Variants in FAM120C observed in about 807,000 individuals in gnomAD.
FAM120C encodes constitutive coactivator of PPAR-gamma-like protein 2.
A neutral mutation model predicts 71.2 loss-of-function variants in FAM120C; 14 were observed. The observed-to-expected ratio is 0.20, with a 90% CI of 0.13 to 0.31. The LOEUF (loss-of-function observed/expected upper bound fraction) is 0.31. Ranked by LOEUF, FAM120C falls within the 10% of genes least tolerant of loss-of-function variation. The probability of loss-of-function intolerance (pLI) is 1.00; values close to 1 mark genes in which losing one functional copy is unlikely to be tolerated. For synonymous variants in FAM120C, 354 were observed against 353.2 expected, an observed-to-expected ratio of 1.00 and a Z score of -0.03; for missense variants, 500 against 879.0, an observed-to-expected ratio of 0.57 and a Z score of 5.45.
chrX:54,137,618 T>C (rs1201674999), intron 4 of FAM120C, among the ~76,000 whole-genome samples: 1 of 111,883 alleles, frequency 8.9e-6, no homozygotes, highest in African/African-American at 3.2e-5. Flanking sequence ...AGAGTATATA[T>C]TGTCTATATA....
At chrX:54,170,630 A>G (rs1557135811) in intron 1 of FAM120C, among the ~76,000 whole-genome samples, 1 of 112,305 alleles carries the variant, frequency 8.9e-6, no homozygotes, top group Non-Finnish European at 1.9e-5. Flanking sequence ...TTTGGCATCC[A>G]GTGAACCTAT....
chrX:54,091,596 G>C (rs1296965621), intron 10 of FAM120C, among the ~76,000 whole-genome samples, 170 bp from the exon 11 acceptor site: 3 of 112,259 alleles, frequency 2.7e-5, no homozygotes, highest in African/African-American at 9.7e-5. Context: ...CTGGGTGGTA[G>C]AGGAAAAGAA....
intron 10 of FAM120C, among the ~76,000 whole-genome samples, chrX:54,103,230 A>AT (rs1263554356): frequency 9.0e-6 from 1 of 110,949 alleles, no homozygotes; most frequent in Non-Finnish European, 1.9e-5. Flanking sequence ...ATCTTTTATG[A>AT]TTTTTTTAAC....
At chrX:54,098,392 T>C (rs1283828938) in intron 10 of FAM120C, among the ~76,000 whole-genome samples, 4 of 111,366 alleles carry the variant, frequency 3.6e-5, no homozygotes, top group Admixed American at 1.9e-4. Context: ...TGTGTGGACA[T>C]GTGTCTTCAT....
chrX:54,069,839 T>G lies in FAM120C; in HGVS notation c.*3194A>C, dbSNP rs2066702392. ...AGACCAGACTGGACTGGTCACTGAC[T>G]AAGTAAGAGTAGGAGTTATAAGCTG... On this transcript the variant is annotated 3_prime_UTR_variant, in exon 16 of 16. Transcript: ENST00000375180. 9.0e-6 allele frequency: 1 copy of G among 111,693 alleles called. No homozygotes were observed. The highest frequency in any genetic ancestry group is 1.9e-5 in the Non-Finnish European group (1 of 53,130). 9.2% of individuals were successfully genotyped at this position (111,693 alleles called of 1,213,427 possible). A position where few individuals can be genotyped will look rare whatever the true frequency, so the allele number is the denominator to read the frequency against.
At position 54,142,180 on chromosome X, in the gene FAM120C, C is replaced by T. The variant is rs782099895; in HGVS notation, c.1159-5590G>A. Reference sequence around the variant, plus strand: ...CTCCCAGCGTGAGCGACACAAAAGACGGGTGATTTTTGCATTTCCAACTGA... The same window carrying T: ...CTCCCAGCGTGAGCGACACAAAAGATGGGTGATTTTTGCATTTCCAACTGA... On this transcript the variant is annotated intron_variant, in intron 4 of 15. Transcript: ENST00000375180. Among the ~76,000 whole-genome samples the T allele has an allele frequency of 4.5e-5, 5 of 111,956 alleles. No homozygotes were observed. The South Asian group carries it at 1.1e-3, about 25-fold the overall frequency.
chrX:54,144,409 G>C (rs2067143602), intron 4 of FAM120C, among the ~76,000 whole-genome samples: 1 of 112,015 alleles, frequency 8.9e-6, no homozygotes, highest in Non-Finnish European at 1.9e-5. Flanking sequence ...TGTATATTTA[G>C]AAAACCCCAT....
chrX:54,136,243 G>A (rs1208341987), intron 5 of FAM120C, among the ~76,000 whole-genome samples: 2 of 111,221 alleles, frequency 1.8e-5, no homozygotes, highest in Non-Finnish European at 1.9e-5. Flanking sequence ...CAGATGATCC[G>A]CCCGCCTCAG....
At chrX:54,174,389 A>G (rs1195081853) in intron 1 of FAM120C, among the ~76,000 whole-genome samples, 4 of 111,474 alleles carry the variant, frequency 3.6e-5, no homozygotes, top group Non-Finnish European at 5.6e-5. Context: ...GAAGATGTCT[A>G]CCATGAATGA....
intron 10 of FAM120C, among the ~76,000 whole-genome samples, chrX:54,106,497 T>C (rs1303408881): frequency 8.9e-6 from 1 of 111,775 alleles, no homozygotes; most frequent in Non-Finnish European, 1.9e-5. Flanking sequence ...GACACAGGCA[T>C]GGGCAAGACT....
chrX:54,158,819 T>C (rs1219023662), intron 2 of FAM120C, among the ~76,000 whole-genome samples: 1 of 111,246 alleles, frequency 9.0e-6, no homozygotes, highest in Non-Finnish European at 1.9e-5. Context: ...GGTAAAGGAA[T>C]GGATAGATAT....
At chrX:54,076,757 A>T (rs1557120730) in intron 15 of FAM120C, among the ~76,000 whole-genome samples, 1 of 112,005 alleles carries the variant, frequency 8.9e-6, no homozygotes, top group African/African-American at 3.2e-5. Flanking sequence ...TATATAAAGC[A>T]CTTAGAACAT....
chrX:54,079,306 G>A (rs2066752886), intron 15 of FAM120C, among the ~76,000 whole-genome samples: 1 of 109,483 alleles, frequency 9.1e-6, no homozygotes, highest in Non-Finnish European at 1.9e-5. Flanking sequence ...AGGGTGTGGT[G>A]GCACACACCT....
chrX:54,111,174 T>C (rs2066935395), intron 10 of FAM120C, among the ~76,000 whole-genome samples: 1 of 110,840 alleles, frequency 9.0e-6, no homozygotes, highest in African/African-American at 3.3e-5. Context: ...TGAGCTGTGA[T>C]TGTGCCACTG....
intron 10 of FAM120C, among the ~76,000 whole-genome samples, chrX:54,100,508 C>T (rs1236077618): frequency 1.9e-5 from 2 of 108,030 alleles, no homozygotes; most frequent in East Asian, 5.9e-4. Context: ...AACAAATAAA[C>T]AAACAAACAA....
At chrX:54,111,802 AG>A (rs1489798757) in intron 10 of FAM120C, among the ~76,000 whole-genome samples, 5 of 112,057 alleles carry the variant, frequency 4.5e-5, no homozygotes, top group Admixed American at 9.5e-5. Context: ...ATTCATATGG[AG>A]TCAAAAAAGA....
intron 4 of FAM120C, among the ~76,000 whole-genome samples, chrX:54,142,462 G>A (rs1042367686): frequency 3.6e-5 from 4 of 112,236 alleles, no homozygotes; most frequent in Admixed American, 2.8e-4. Flanking sequence ...CCTACACACG[G>A]AGCCTTGCCC....
At chrX:54,080,936 A>G (rs781910185) in intron 14 of FAM120C, among the ~76,000 whole-genome samples, 1 of 109,505 alleles carries the variant, frequency 9.1e-6, no homozygotes, top group South Asian at 4.0e-4. Context: ...TTGGAAAGCC[A>G]AGACGGGAGG....
chrX:54,152,899 A>G (rs781897323), intron 3 of FAM120C, among the ~76,000 whole-genome samples: 1 of 111,725 alleles, frequency 9.0e-6, no homozygotes, highest in East Asian at 2.8e-4. Context: ...CTAAATAAGT[A>G]AAATGTATAG....
Sources: allele counts gnomAD v4.1 joint callset (sites outside exome capture counted in the v4.1 genomes callset), GRCh38; gene constraint gnomAD v4.1.1; transcripts MANE v1.5; gene names NCBI Gene and HGNC (gene_info 2026-07-23, HGNC 2026-07-21).